BCAS3: variants seen among roughly 807,000 people sequenced by gnomAD.
The protein encoded by BCAS3 is BCAS4/BCAS3 fusion.
A neutral mutation model predicts 116.1 loss-of-function variants in BCAS3; 53 were observed. The observed-to-expected ratio is 0.46, with a 90% CI of 0.37 to 0.57. The LOEUF is 0.57. Ranked by LOEUF, BCAS3 falls within the 20% of genes least tolerant of loss-of-function variation. The pLI, the probability that BCAS3 is intolerant of heterozygous loss-of-function variation, is 0.00. For synonymous variants in BCAS3, 391 were observed against 408.2 expected (o/e 0.96, Z 0.51); for missense variants, 917 against 1,165.4 (o/e 0.79, Z 3.10).
chr17:61,105,821 G>A lies in BCAS3; in HGVS notation c.2425+21257G>A, dbSNP rs2074610663. Among the ~76,000 whole-genome samples, 1 of 152,144 alleles carries A rather than the reference G, an allele frequency of 6.6e-6. No individual in the cohort carries two copies. The highest frequency in any genetic ancestry group is 2.1e-4 in the South Asian group (1 of 4,830). ...TTTAGTACTGGTACACTTTGGGACA[G>A]AAAGGCAGCTAGGGATGTTTGGTTA... is the stretch of plus-strand genomic sequence containing the variant. On this transcript the variant is annotated intron_variant, in intron 22 of 23. Coordinates refer to ENST00000407086, the MANE Select transcript of BCAS3 (RefSeq NM_017679.5). This position sits in a 1 kb window ranked among gnomAD's most constrained non-coding sequence, Gnocchi z 4.3.
rs897661571 is a variant in BCAS3 at position 61,379,510 on chromosome 17, G to A, written c.2593+11016G>A. ...CCAAGCCCATCCGATTGAACTTAAC[G>A]GAGAAGTGAAGTTCCCTAGTAGAAG... On this transcript the variant is annotated intron_variant, in intron 23 of 23. Transcript: ENST00000407086. The surrounding 1 kb of genome is among the most constrained non-coding windows in gnomAD (Gnocchi z 5.5). 4 of 152,168 alleles carry A rather than the reference G, an allele frequency of 2.6e-5. No homozygotes were observed. Among genetic ancestry groups the A allele is most frequent in the South Asian group, 2.1e-4 (1 of 4,826 alleles). The allele number at this position is 152,168 out of a possible 1,614,324, so 9.4% of individuals were successfully genotyped here.
intron 22 of BCAS3, among the ~76,000 whole-genome samples, chr17:61,221,155 G>A (rs1436503208): frequency 6.6e-6 from 1 of 152,198 alleles, no homozygotes; most frequent in Non-Finnish European, 1.5e-5. Context: ...AAGTGTCGGT[G>A]CAGATATCAG....
intron 22 of BCAS3, among the ~76,000 whole-genome samples, chr17:61,317,580 G>A (rs976153945): frequency 1.3e-5 from 2 of 152,186 alleles, no homozygotes; most frequent in Admixed American, 1.3e-4. Context: ...AGGGCTCGGC[G>A]TAGAGACCTG....
rs150596209 is a variant in BCAS3 at position 61,293,196 on chromosome 17, C to T, written c.2426-75131C>T. Among the ~76,000 whole-genome samples the T allele has an allele frequency of 6.3e-3, 957 of 152,184 alleles. 6 individuals are homozygous for T. Among genetic ancestry groups the T allele is most frequent in the African/African-American group, 0.017 (690 of 41,522 alleles). ...TGATGTAATCTTGAACAGGAGGTGG[C>T]CCCAACTTCATTTGGGAACAAATGG... On this transcript the variant is annotated intron_variant, in intron 22 of 23. Transcript: ENST00000407086.
intron 19 of BCAS3, among the ~76,000 whole-genome samples, chr17:61,049,662 G>A (rs907451472): frequency 6.6e-6 from 1 of 150,438 alleles, no homozygotes; most frequent in Non-Finnish European, 1.5e-5. Context: ...AAAGCAGCCA[G>A]AGGAAAAGAC....
chr17:60,958,423 T>C (rs1396845073), intron 14 of BCAS3, among the ~76,000 whole-genome samples: 1 of 152,222 alleles, frequency 6.6e-6, no homozygotes, highest in Non-Finnish European at 1.5e-5. Flanking sequence ...CAAAAATCAG[T>C]TGCATTTCTA....
intron 22 of BCAS3, among the ~76,000 whole-genome samples, chr17:61,268,041 T>C (rs920607623): frequency 6.6e-6 from 1 of 152,184 alleles, no homozygotes; most frequent in South Asian, 2.1e-4. Flanking sequence ...CACTTGTAGA[T>C]GTCACTCAGG....
intron 14 of BCAS3, among the ~76,000 whole-genome samples, chr17:60,972,298 G>A (rs1227244194): frequency 1.3e-5 from 2 of 152,130 alleles, no homozygotes; most frequent in South Asian, 2.1e-4. Flanking sequence ...TCCATGAAAA[G>A]CATGGACTAG....
At chr17:61,024,263 A>G (rs2066072631) in intron 16 of BCAS3, among the ~76,000 whole-genome samples, 1 of 152,184 alleles carries the variant, frequency 6.6e-6, no homozygotes, top group East Asian at 1.9e-4. Flanking sequence ...GAGTTTGTGG[A>G]TCTTCTTTTA....
In BCAS3 at chr17:60,990,148, A is replaced by G; in HGVS notation, c.1399A>G (p.Ile467Val). 1 of 1,614,168 alleles carries G rather than the reference A, an allele frequency of 6.2e-7. No homozygotes were observed. The highest frequency in any genetic ancestry group is 8.5e-7 in the Non-Finnish European group (1 of 1,180,024). Reference sequence around the variant, plus strand: ...CCAGAAAAGTGCTGGACTGGAAGAGATTGAACAAGAACTGACGTCTAAGCA... The same window carrying G: ...CCAGAAAAGTGCTGGACTGGAAGAGGTTGAACAAGAACTGACGTCTAAGCA... ...RFQKSAGLEE[I>V]EQELTSKQGG... The change falls in exon 15 of 24, where the codon ATT (isoleucine) becomes GTT (valine). Residue 467 changes from isoleucine (I) to valine (V), a missense_variant. Physicochemically the swap from Ile to Val is conservative, Grantham distance 29. Coordinates refer to ENST00000407086, the MANE Select transcript of BCAS3 (RefSeq NM_017679.5). The surrounding 1 kb of genome is among the most constrained non-coding windows in gnomAD (Gnocchi z 5.1).
chr17:60,815,585 CAGA>C lies in BCAS3; in HGVS notation c.476+7513_476+7515del, dbSNP rs201564633. Among the ~76,000 whole-genome samples the C allele has an allele frequency of 3.9e-5, 6 of 152,092 alleles. No individual in the cohort carries two copies. The East Asian group carries it at 7.7e-4, about 20-fold the overall frequency. Reference sequence around the variant, plus strand: ...ACAGCAGGCAACTGATGATGTAGAACAGAAGATGTAATGCTTCCAAAATAATTT... The same window carrying C: ...ACAGCAGGCAACTGATGATGTAGAACAGATGTAATGCTTCCAAAATAATTT... On this transcript the variant is annotated intron_variant, in intron 7 of 23. Transcript: ENST00000407086.
rs1469324027 is a variant in BCAS3, at chr17:61,186,418, C to A, written c.2425+101854C>A. On this transcript the variant is annotated intron_variant, in intron 22 of 23. Coordinates refer to ENST00000407086, the MANE Select transcript of BCAS3 (RefSeq NM_017679.5). This position sits in a 1 kb window ranked among gnomAD's most constrained non-coding sequence, Gnocchi z 4.9. ...TGTTGATTTTATTACAATTATCTAT[C>A]CTTTTATCTTAGCTCTGTTTTCAGT... is the stretch of plus-strand genomic sequence containing the variant. Among the ~76,000 whole-genome samples, 2 of 152,128 alleles carry A rather than the reference C, an allele frequency of 1.3e-5. No homozygotes were observed. The highest frequency in any genetic ancestry group is 2.4e-5 in the African/African-American group (1 of 41,432).
rs540540862 is a variant in BCAS3 at position 61,363,937 on chromosome 17, C to G, written c.2426-4390C>G. Among the ~76,000 whole-genome samples the G allele has an allele frequency of 1.5e-4, 23 of 152,316 alleles. No individual in the cohort carries two copies. Among genetic ancestry groups the G allele is most frequent in the African/African-American group, 4.8e-4 (20 of 41,570 alleles). On this transcript the variant is annotated intron_variant, in intron 22 of 23. Transcript: ENST00000407086. This position sits in a 1 kb window ranked among gnomAD's most constrained non-coding sequence, Gnocchi z 4.9. ...ATGACCTCACCCTCCAAGGGCTTGG[C>G]CTCTTCACCCCAGTGCCTGCTGAAA... is the stretch of plus-strand genomic sequence containing the variant.
chr17:60,869,782 C>A (rs2054934794), intron 8 of BCAS3, among the ~76,000 whole-genome samples: 4 of 152,128 alleles, frequency 2.6e-5, no homozygotes, highest in Admixed American at 2.6e-4. Context: ...ACATATTTAA[C>A]CCTGAACTGT....
In BCAS3 at chr17:61,265,705, C is replaced by CT. The variant is rs398039015; in HGVS notation, c.2426-102622_2426-102621insT. Among the ~76,000 whole-genome samples the CT allele has an allele frequency of 6.6e-6, 1 of 151,784 alleles. No homozygotes were observed. The highest frequency in any genetic ancestry group is 2.4e-5 in the African/African-American group (1 of 41,362). On this transcript the variant is annotated intron_variant, in intron 22 of 23. Coordinates refer to ENST00000407086, the MANE Select transcript of BCAS3 (RefSeq NM_017679.5). The surrounding 1 kb of genome is among the most constrained non-coding windows in gnomAD (Gnocchi z 4.3). ...AACACCATCATTCTTTTTTCCCCCCCATCAAGTAGTATATCTGCCAGGGTT... is the reference window on the plus strand; with the variant it reads ...AACACCATCATTCTTTTTTCCCCCCCTATCAAGTAGTATATCTGCCAGGGTT...
chr17:60,761,646 A>G (rs545312592), intron 6 of BCAS3, among the ~76,000 whole-genome samples: 1 of 152,206 alleles, frequency 6.6e-6, no homozygotes, highest in South Asian at 2.1e-4. Flanking sequence ...TGCTTTTGTG[A>G]GTAGTGCCGC....
rs2061035163 is a variant in BCAS3 at position 60,954,760 on chromosome 17, C to T, written c.1221+7408C>T. 2.6e-5 allele frequency among the ~76,000 whole-genome samples: 4 copies of T among 152,116 alleles called. 1 individual carries two copies. The South Asian group carries it at 8.3e-4, about 32-fold the overall frequency. ...CAATTTCTTTCTTCTGGATTAAATA[C>T]TTAAAATATTTTTACCTTCTTGAGG... On this transcript the variant is annotated intron_variant, in intron 14 of 23. Coordinates refer to ENST00000407086, the MANE Select transcript of BCAS3 (RefSeq NM_017679.5).
chr17:61,162,774 C>A lies in BCAS3; in HGVS notation c.2425+78210C>A, dbSNP rs1649778768. ...CAACGTCTCCAGCCGAGGCTGCAAC[C>A]CGAGGAACCACTCCTGATGGAATAT... is the stretch of plus-strand genomic sequence containing the variant. On this transcript the variant is annotated intron_variant, in intron 22 of 23. Coordinates refer to ENST00000407086, the MANE Select transcript of BCAS3 (RefSeq NM_017679.5). This position sits in a 1 kb window ranked among gnomAD's most constrained non-coding sequence, Gnocchi z 5.6. Among the ~76,000 whole-genome samples the A allele has an allele frequency of 6.6e-6, 1 of 152,172 alleles. No individual in the cohort carries two copies. The highest frequency in any genetic ancestry group is 2.4e-5 in the African/African-American group (1 of 41,428).
Position 61,276,864 on chromosome 17 carries a change from T to C in BCAS3, c.2426-91463T>C, listed in dbSNP as rs1308333281. ...CTGGCATAAGGATAGACATATACCA[T>C]AATGGAATAGAATTGAAAGTCCAAA... On this transcript the variant is annotated intron_variant, in intron 22 of 23. Coordinates refer to ENST00000407086, the MANE Select transcript of BCAS3 (RefSeq NM_017679.5). The surrounding 1 kb of genome is among the most constrained non-coding windows in gnomAD (Gnocchi z 4.2). Among the ~76,000 whole-genome samples, 9 of 152,164 alleles carry C rather than the reference T, an allele frequency of 5.9e-5. No individual in the cohort carries two copies. Among genetic ancestry groups the C allele is most frequent in the African/African-American group, 1.9e-4 (8 of 41,440 alleles).
Sources: gnomAD v4.1 joint callset for allele counts (sites outside exome capture counted in the v4.1 genomes callset) on GRCh38, gnomAD v4.1.1 for gene constraint, Gnocchi (gnomAD v3.1) non-coding constraint, MANE v1.5 for transcripts, NCBI Gene and HGNC (gene_info 2026-07-23, HGNC 2026-07-21) for gene names.